Variants in TECPR1 observed in about 807,000 individuals in gnomAD.
The protein encoded by TECPR1 is tectonin beta-propeller repeat containing 1, also known as tectonin beta-propeller repeat-containing protein 1.
A neutral mutation model predicts 162.4 loss-of-function variants in TECPR1; 122 were observed. The observed-to-expected ratio is 0.75, with a 90% CI of 0.65 to 0.87. The LOEUF is 0.87. Among genes scored for constraint, TECPR1 ranks in the 40% least tolerant of loss-of-function variants. The pLI, the probability that TECPR1 is intolerant of heterozygous loss-of-function variation, is 0.00. For synonymous variants in TECPR1, 642 were observed against 670.6 expected (o/e 0.96, Z 0.66); for missense variants, 1,432 against 1,618.2 (o/e 0.88, Z 1.97).
Position 98,224,297 on chromosome 7 carries a change from G to A in TECPR1, c.2690+504C>T, listed in dbSNP as rs987430385. On this transcript the variant is annotated intron_variant, in intron 19 of 25. Coordinates refer to ENST00000447648, the MANE Select transcript of TECPR1 (RefSeq NM_015395.3). Reference sequence around the variant, plus strand: ...CCTGCCCACGCCGTGCACCTGCACCGCCAGGGTCCAGGGCCTCGTGACAGC... The same window carrying A: ...CCTGCCCACGCCGTGCACCTGCACCACCAGGGTCCAGGGCCTCGTGACAGC... Among the ~76,000 whole-genome samples the A allele has an allele frequency of 2.0e-5, 3 of 152,300 alleles. No homozygotes were observed. The East Asian group carries it at 5.8e-4, about 29-fold the overall frequency.
rs1452970154 is a variant in TECPR1, at chr7:98,221,661, C to T, written c.3157G>A (p.Gly1053Arg). ...AAAATTTAAAAAAAGAGCAACTTGC[C>T]ATTCTCATCCAGGGCATACACCGAC... Reference protein sequence around the residue: ...QTSVYALDENGNLWYRQGITP... With the variant: ...QTSVYALDENRNLWYRQGITP... The change falls in exon 23 of 26, where the codon GGA becomes AGA. Residue 1053 changes from glycine (G) to arginine (R), a missense_variant and splice_region_variant. Gly to Arg is a moderately radical substitution (Grantham distance 125). Transcript: ENST00000447648. The T allele has an allele frequency of 6.2e-7, 1 of 1,613,028 alleles. No homozygotes were observed. Among genetic ancestry groups the T allele is most frequent in the Non-Finnish European group, 8.5e-7 (1 of 1,179,684 alleles).
At chr7:98,239,422 G>A (rs951702119) in intron 8 of TECPR1, among the ~76,000 whole-genome samples, 1 of 152,180 alleles carries the variant, frequency 6.6e-6, no homozygotes, top group Non-Finnish European at 1.5e-5. Flanking sequence ...AGGTGTGGTG[G>A]TACACGCTTG....
intron 2 of TECPR1, among the ~76,000 whole-genome samples, chr7:98,250,004 A>G (rs892884567): frequency 6.6e-6 from 1 of 152,110 alleles, no homozygotes; most frequent in African/African-American, 2.4e-5. Context: ...CTCTGCACAC[A>G]GTGGGTGTTG....
chr7:98,217,536 C>G (rs199716089), intron 25 of TECPR1, 33 bp from the exon 26 acceptor site: 1 of 1,466,410 alleles, frequency 6.8e-7, no homozygotes, highest in East Asian at 2.6e-5. Context: ...CCAGGGGACT[C>G]GGGGACTCGA....
rs1487070004 is a variant in TECPR1 at position 98,231,846 on chromosome 7, G to A, written c.1932C>T (p.Asp644=). Residue 644 remains aspartate, a synonymous_variant, in exon 13 of 26, where the codon GAC becomes GAT. Transcript: ENST00000447648. ...EQFTGHDGVR[D]SILFIYYVVH... is the part of the protein sequence containing the mutation. The stretch of plus-strand genomic sequence containing the variant: ...CCACATAGTAGATGAAGAGGATGCT[G>A]TCCCGGACGCCGTCGTGCCCCGTGA... The A allele has an allele frequency of 3.1e-6, 5 of 1,612,964 alleles. No individual in the cohort carries two copies. The highest frequency in any genetic ancestry group is 1.1e-5 in the South Asian group (1 of 91,070).
At chr7:98,235,629 G>C (rs1233511875) in intron 10 of TECPR1, among the ~76,000 whole-genome samples, 5 of 150,458 alleles carry the variant, frequency 3.3e-5, no homozygotes, top group Admixed American at 6.6e-5. Context: ...GAGGTTAGGA[G>C]TTCAAGCCTA....
chr7:98,230,979 G>A lies in TECPR1; in HGVS notation c.2264C>T (p.Pro755Leu), dbSNP rs1175647006. Residue 755 changes from proline (P) to leucine (L), a missense_variant, in exon 15 of 26, where the codon CCC becomes CTC. Transcript: ENST00000447648. ...PSPDLEAHEHPLPCDQMFWRQ... is the reference protein window; with the variant it reads ...PSPDLEAHEHLLPCDQMFWRQ... Reference sequence around the variant, plus strand: ...CACTCACATCTGGTCGCAGGGCAGGGGGTGCTCGTGGGCCTCCAGGTCTGG... The same window carrying A: ...CACTCACATCTGGTCGCAGGGCAGGAGGTGCTCGTGGGCCTCCAGGTCTGG... The A allele has an allele frequency of 6.2e-7, 1 of 1,612,116 alleles. No homozygotes were observed. The highest frequency in any genetic ancestry group is 8.5e-7 in the Non-Finnish European group (1 of 1,179,388).
chr7:98,238,670 C>A, intron 8 of TECPR1, 60 bp from the exon 9 acceptor site: 1 of 1,358,536 alleles, frequency 7.4e-7, no homozygotes, highest in South Asian at 1.2e-5. Context: ...ACGGTTCGTT[C>A]GTTTAAGCCT....
Position 98,222,377 on chromosome 7 carries a change from G to A in TECPR1, c.3064+9C>T, listed in dbSNP as rs776597169. 1.4e-4 allele frequency: 228 copies of A among 1,604,468 alleles called. No individual in the cohort carries two copies. Among genetic ancestry groups the A allele is most frequent in the Non-Finnish European group, 1.8e-4 (214 of 1,176,188 alleles). On this transcript the variant is annotated intron_variant, in intron 22 of 25. Transcript: ENST00000447648. ...AACACTGCAGGGGCTCCTGGGGCGC[G>A]GCACTCACCGGCTGGCTGCGAGGGG...
intron 23 of TECPR1, among the ~76,000 whole-genome samples, chr7:98,220,519 G>A (rs1203443107): frequency 6.8e-6 from 1 of 147,792 alleles, no homozygotes; most frequent in East Asian, 2.0e-4. Context: ...TCCTGCCTCA[G>A]CCTCCTGAGT....
Position 98,223,074 on chromosome 7 carries a change from C to T in TECPR1, c.2844G>A (p.Gly948=), listed in dbSNP as rs373863932. The part of the protein sequence containing the change: ...SIIPESPGAE[G]SGHSIALWAV... ...CCCAGAGGGCGATGCTGTGCCCACT[C>T]CCCTCGGCACCCGGGCTCTCCGGGA... The change falls in exon 21 of 26, where the codon GGG becomes GGA. Residue 948 remains glycine, a synonymous_variant. Coordinates refer to ENST00000447648, the MANE Select transcript of TECPR1 (RefSeq NM_015395.3). 2 of 1,604,534 alleles carry T rather than the reference C, an allele frequency of 1.2e-6. No homozygotes were observed. Among genetic ancestry groups the T allele is most frequent in the Non-Finnish European group, 1.7e-6 (2 of 1,176,256 alleles).
chr7:98,232,904 G>A lies in TECPR1; in HGVS notation c.1741C>T (p.Gln581Ter). 1 of 1,612,856 alleles carries A rather than the reference G, an allele frequency of 6.2e-7. No homozygotes were observed. The highest frequency in any genetic ancestry group is 8.5e-7 in the Non-Finnish European group (1 of 1,179,810). The change falls in exon 12 of 26, where the codon CAG becomes TAG. Residue 581 changes from glutamine to a stop codon, truncating the protein, a stop_gained. Transcript: ENST00000447648. LOFTEE classifies it high-confidence loss of function. This position sits in a 1 kb window ranked among gnomAD's most constrained non-coding sequence, Gnocchi z 4.6. ...CTTTCCGTGAGCTGCTGGAAGATCT[G>A]CTTCCTCCAGGCAGCGGTCTGGGCC... ...TPAQTAAWRK[Q>*]IFQQLTERTK...
At chr7:98,226,388 T>C in intron 17 of TECPR1, 1 of 959,164 alleles carries the variant, frequency 1.0e-6, no homozygotes, top group African/African-American at 1.8e-5. Flanking sequence ...AAAGGTCACA[T>C]ATGGTTGAGA....
At chr7:98,224,280 C>T (rs1458270926) in intron 19 of TECPR1, among the ~76,000 whole-genome samples, 1 of 152,194 alleles carries the variant, frequency 6.6e-6, no homozygotes, top group Non-Finnish European at 1.5e-5. Flanking sequence ...GGCCTGCCCA[C>T]GCCGTGCACC....
chr7:98,236,879 G>T lies in TECPR1; in HGVS notation c.1078C>A (p.Gln360Lys). Residue 360 changes from glutamine to lysine, a missense_variant, in exon 10 of 26, where the codon CAG becomes AAG. Coordinates refer to ENST00000447648, the MANE Select transcript of TECPR1 (RefSeq NM_015395.3). ...GCEDRAVYFR[Q>K]GVTPSELSGK... ...CTGAGCTCGCTGGGGGTGACACCCT[G>T]CCGGAAGTACACGGCTCGGTCCTCA... 1 of 1,580,268 alleles carries T rather than the reference G, an allele frequency of 6.3e-7. No individual in the cohort carries two copies. The highest frequency in any genetic ancestry group is 1.2e-5 in the South Asian group (1 of 86,090).
At chr7:98,225,541 CA>C (rs962736405) in intron 17 of TECPR1, among the ~76,000 whole-genome samples, 19 of 130,904 alleles carry the variant, frequency 1.5e-4, no homozygotes, top group African/African-American at 2.0e-4. Flanking sequence ...GACTTCGTCT[CA>C]AAAAAAAAAG....
Position 98,233,512 on chromosome 7 carries a change from C to A in TECPR1, c.1581G>T (p.Gly527=). 1 of 1,553,914 alleles carries A rather than the reference C, an allele frequency of 6.4e-7. No individual in the cohort carries two copies. Among genetic ancestry groups the A allele is most frequent in the East Asian group, 2.3e-5 (1 of 43,514 alleles). ...AGGCCCACAGCGGGTGGTCATCCAC[C>A]CCATACGGCTCCTCCAAGCCCAGTG... The part of the protein sequence containing the change: ...LLPLGLEEPY[G]VDDHPLWAWV... Residue 527 remains glycine (G), a synonymous_variant, in exon 11 of 26, where the codon GGG becomes GGT. Transcript: ENST00000447648.
chr7:98,251,301 T>C (rs1222845828), intron 2 of TECPR1, 93 bp downstream of exon 2: 1 of 143,394 alleles, frequency 7.0e-6, no homozygotes, highest in Admixed American at 7.2e-5. Flanking sequence ...TCACAGATCC[T>C]TTCAGAGACC....
chr7:98,227,821 CAAAAAAAAAAA>C lies in TECPR1; in HGVS notation c.2513+182_2513+192del, dbSNP rs61468739. On this transcript the variant is annotated intron_variant, in intron 17 of 25. Transcript: ENST00000447648. Reference sequence around the variant, plus strand: ...TGGGTGACAGAGCAAGACCCTGTATCAAAAAAAAAAAAAAAAAAAAAAGATTCAAGGAAAAA... The same window carrying C: ...TGGGTGACAGAGCAAGACCCTGTATCAAAAAAAAAAAGATTCAAGGAAAAA... Among the ~76,000 whole-genome samples the C allele has an allele frequency of 6.4e-4, 66 of 102,598 alleles. No homozygotes were observed. The East Asian group carries it at 0.01, about 16-fold the overall frequency. The allele number at this position is 102,598 out of a possible 152,430, so 67.3% of individuals were successfully genotyped here.
Sources: gnomAD v4.1 joint callset for allele counts (sites outside exome capture counted in the v4.1 genomes callset) on GRCh38, gnomAD v4.1.1 for gene constraint, Gnocchi (gnomAD v3.1) non-coding constraint, MANE v1.5 for transcripts, NCBI Gene and HGNC (gene_info 2026-07-23, HGNC 2026-07-21) for gene names.